CELSR1: variants seen among roughly 807,000 people sequenced by gnomAD.
CELSR1 encodes adhesion G protein-coupled receptor C1.
Under a neutral mutation model 249.1 loss-of-function variants are expected in CELSR1, and 110 were observed. The ratio of observed to expected loss-of-function variants is 0.44; its 90% CI spans 0.38 to 0.52. The LOEUF is 0.52. Among genes scored for constraint, CELSR1 ranks in the 20% least tolerant of loss-of-function variants. The probability of loss-of-function intolerance (pLI) is 0.00; values close to 1 mark genes in which losing one functional copy is unlikely to be tolerated. For missense variants in CELSR1, 4,109 were observed against 4,296.4 expected (o/e 0.96, Z 1.22); for synonymous variants, 2,113 against 1,900.0 (o/e 1.11, Z -2.92).
intron 2 of CELSR1, among the ~76,000 whole-genome samples, chr22:46,456,475 A>AG (rs1569176726): frequency 6.6e-6 from 1 of 151,630 alleles, no homozygotes; most frequent in Non-Finnish European, 1.5e-5. Context: ...ATGGTTAACA[A>AG]GGTGACACCC....
At chr22:46,474,914 G>C (rs748533382) in intron 1 of CELSR1, among the ~76,000 whole-genome samples, 6 of 148,440 alleles carry the variant, frequency 4.0e-5, no homozygotes, top group Non-Finnish European at 8.9e-5. Flanking sequence ...ACAGCAAGCC[G>C]CTTCTCCCAT....
intron 2 of CELSR1, among the ~76,000 whole-genome samples, chr22:46,449,606 A>G (rs1027124535): frequency 6.6e-6 from 1 of 152,234 alleles, no homozygotes; most frequent in Non-Finnish European, 1.5e-5. Flanking sequence ...CAGTGGGGTT[A>G]TAAGAATGAA....
intron 24 of CELSR1, among the ~76,000 whole-genome samples, 197 bp downstream of exon 24, chr22:46,376,864 T>A (rs1291026536): frequency 6.7e-6 from 1 of 150,084 alleles, no homozygotes; most frequent in Non-Finnish European, 1.5e-5. Context: ...AGAGTCAAAG[T>A]GCTTGGGCCT....
chr22:46,475,213 G>A (rs1354980751), intron 1 of CELSR1, among the ~76,000 whole-genome samples: 1 of 152,056 alleles, frequency 6.6e-6, no homozygotes. Context: ...AGCATTAGAT[G>A]AGTCAGGATA....
rs1456974472 is a variant in CELSR1 at position 46,429,489 on chromosome 22, G to A, written c.4611+3904C>T. On this transcript the variant is annotated intron_variant, in intron 5 of 34. Coordinates refer to ENST00000674500, the MANE Select transcript of CELSR1 (RefSeq NM_001378328.1). The surrounding 1 kb of genome is among the most constrained non-coding windows in gnomAD (Gnocchi z 4.1). ...GGCGGAGCGCCACACAAATGTACAA[G>A]TGCCTGCCTTTGAAAAGACCGTCCT... Among the ~76,000 whole-genome samples, 1 of 152,260 alleles carries A rather than the reference G, an allele frequency of 6.6e-6. No homozygotes were observed. The highest frequency in any genetic ancestry group is 1.5e-5 in the Non-Finnish European group (1 of 68,046).
chr22:46,529,701 G>T (rs1460570513), intron 1 of CELSR1, among the ~76,000 whole-genome samples: 1 of 151,876 alleles, frequency 6.6e-6, no homozygotes, highest in East Asian at 1.9e-4. Context: ...TACTCAGGAG[G>T]CTGAGGTAGG....
In CELSR1 at chr22:46,468,568, G is replaced by A. The variant is rs4823549; in HGVS notation, c.3545-4223C>T. On this transcript the variant is annotated intron_variant, in intron 1 of 34. Transcript: ENST00000674500. The surrounding 1 kb of genome is among the most constrained non-coding windows in gnomAD (Gnocchi z 4.5). ...CCCTAGAGGAGTTCGATTCATAGAGGCAGAAAGTAGAATGATGGGTGCCAC... is the reference window on the plus strand; with the variant it reads ...CCCTAGAGGAGTTCGATTCATAGAGACAGAAAGTAGAATGATGGGTGCCAC... Among the ~76,000 whole-genome samples the A allele has an allele frequency of 0.46, 69,133 of 151,824 alleles. 15,883 individuals carry two copies. Among genetic ancestry groups the A allele is most frequent in the South Asian group, 0.53 (2,553 of 4,812 alleles).
At chr22:46,469,021 A>G (rs1006670694) in intron 1 of CELSR1, among the ~76,000 whole-genome samples, 3 of 152,140 alleles carry the variant, frequency 2.0e-5, no homozygotes, top group African/African-American at 7.2e-5. Context: ...GGTTGCAGTG[A>G]GCCAAGATTG....
chr22:46,463,065 A>C (rs867158269), intron 2 of CELSR1: 1 of 329,090 alleles, frequency 3.0e-6, no homozygotes, highest in East Asian at 1.2e-4. Flanking sequence ...GGCCACTTAA[A>C]AGCAACTCAT....
rs575336449 is a variant in CELSR1 at position 46,430,380 on chromosome 22, C to A, written c.4611+3013G>T. On this transcript the variant is annotated intron_variant, in intron 5 of 34. Transcript: ENST00000674500. The surrounding 1 kb of genome is among the most constrained non-coding windows in gnomAD (Gnocchi z 4.6). Reference sequence around the variant, plus strand: ...GTGCTGGGGCAAGGACACAGCTGGGCGGGGCAGGGGGGATGACCGTCTGCA... The same window carrying A: ...GTGCTGGGGCAAGGACACAGCTGGGAGGGGCAGGGGGGATGACCGTCTGCA... Among the ~76,000 whole-genome samples the A allele has an allele frequency of 6.6e-6, 1 of 152,092 alleles. No homozygotes were observed. Among genetic ancestry groups the A allele is most frequent in the Non-Finnish European group, 1.5e-5 (1 of 68,002 alleles).
At position 46,391,164 on chromosome 22, in the gene CELSR1, C is replaced by A. The variant is rs866998224; in HGVS notation, c.6250+22G>T. The A allele has an allele frequency of 1.3e-6, 2 of 1,599,698 alleles. No individual in the cohort carries two copies. The highest frequency in any genetic ancestry group is 8.5e-7 in the Non-Finnish European group (1 of 1,170,008). On this transcript the variant is annotated intron_variant, in intron 16 of 34. Transcript: ENST00000674500. This position sits in a 1 kb window ranked among gnomAD's most constrained non-coding sequence, Gnocchi z 4.3. ...CAAGGACGCCTGCCTCAGTTCCCTA[C>A]ACACAGGCCACGGCGACTCACCAAC... is the stretch of plus-strand genomic sequence containing the variant.
In CELSR1 at chr22:46,397,662, G is replaced by A; in HGVS notation, c.5701+12C>T. 2 of 1,473,394 alleles carry A rather than the reference G, an allele frequency of 1.4e-6. No homozygotes were observed. The highest frequency in any genetic ancestry group is 1.8e-6 in the Non-Finnish European group (2 of 1,101,198). 91.3% of individuals were successfully genotyped at this position (1,473,394 alleles called of 1,614,324 possible). A position where few individuals can be genotyped will look rare whatever the true frequency, so the allele number is the denominator to read the frequency against. ...TCCCTGTCACTGAAGGGCCCCGGGA[G>A]GGCGGTCCCACCTTTGTCACAGACG... On this transcript the variant is annotated intron_variant, in intron 12 of 34. Coordinates refer to ENST00000674500, the MANE Select transcript of CELSR1 (RefSeq NM_001378328.1).
chr22:46,491,712 G>A (rs2080369466), intron 1 of CELSR1, among the ~76,000 whole-genome samples: 1 of 148,086 alleles, frequency 6.8e-6, no homozygotes, highest in Non-Finnish European at 1.5e-5. Context: ...TCAGCTCACT[G>A]CAATGTTCAC....
intron 2 of CELSR1, among the ~76,000 whole-genome samples, chr22:46,463,207 C>G (rs908739337): frequency 6.6e-6 from 1 of 152,214 alleles, no homozygotes; most frequent in Admixed American, 6.5e-5. Context: ...AGGGAAGCCC[C>G]GAGCTGGCTA....
At chr22:46,483,401 T>C (rs1357178965) in intron 1 of CELSR1, among the ~76,000 whole-genome samples, 1 of 143,220 alleles carries the variant, frequency 7.0e-6, no homozygotes, top group Non-Finnish European at 1.5e-5. Context: ...TTTTTTTTTT[T>C]TTTTTTTTGA....
intron 1 of CELSR1, among the ~76,000 whole-genome samples, chr22:46,528,571 C>G (rs1024475908): frequency 1.3e-5 from 2 of 152,164 alleles, no homozygotes; most frequent in African/African-American, 2.4e-5. Flanking sequence ...TGACGTGGCC[C>G]GGCCACAGAT....
At chr22:46,415,544 G>A (rs1305216717) in intron 5 of CELSR1, among the ~76,000 whole-genome samples, 1 of 151,750 alleles carries the variant, frequency 6.6e-6, no homozygotes, top group Non-Finnish European at 1.5e-5. Flanking sequence ...GAAGTGGTGT[G>A]GTACAATACT....
chr22:46,411,465 G>A lies in CELSR1; in HGVS notation c.4769+137C>T, dbSNP rs1480591952. Reference sequence around the variant, plus strand: ...AAGGTGCCCCAACCATGGACAGGATGTCTGACTCTAGCCTGGAATGAGGTC... The same window carrying A: ...AAGGTGCCCCAACCATGGACAGGATATCTGACTCTAGCCTGGAATGAGGTC... On this transcript the variant is annotated intron_variant, in intron 6 of 34. Coordinates refer to ENST00000674500, the MANE Select transcript of CELSR1 (RefSeq NM_001378328.1). This position sits in a 1 kb window ranked among gnomAD's most constrained non-coding sequence, Gnocchi z 4.2. 5.2e-6 allele frequency: 5 copies of A among 953,496 alleles called. No individual in the cohort carries two copies. Among genetic ancestry groups the A allele is most frequent in the Non-Finnish European group, 6.1e-6 (4 of 651,280 alleles). The allele number at this position is 953,496 out of a possible 1,614,324, so 59.1% of individuals were successfully genotyped here.
At chr22:46,477,242 T>TCA (rs1201878823) in intron 1 of CELSR1, among the ~76,000 whole-genome samples, 1 of 152,064 alleles carries the variant, frequency 6.6e-6, no homozygotes, top group Non-Finnish European at 1.5e-5. Flanking sequence ...GAGCTAAATA[T>TCA]CATGGGAGAA....
Sources: allele counts gnomAD v4.1 joint callset (sites outside exome capture counted in the v4.1 genomes callset), GRCh38; gene constraint gnomAD v4.1.1; non-coding constraint Gnocchi (gnomAD v3.1); transcripts MANE v1.5; gene names NCBI Gene and HGNC (gene_info 2026-07-23, HGNC 2026-07-21).